The following NDUFAF2 variants were observed in gnomAD, a reference collection of about 807,000 sequenced individuals.
The protein encoded by NDUFAF2 is NADH:ubiquinone oxidoreductase complex assembly factor 2.
In NDUFAF2, 13 loss-of-function variants were observed where a neutral mutation model predicts 22.8. The ratio of observed to expected loss-of-function variants is 0.57; its 90% CI spans 0.37 to 0.91. The LOEUF (loss-of-function observed/expected upper bound fraction) is 0.91, where lower values mean the gene tolerates loss of function less well. NDUFAF2 is among the 40% of genes least tolerant of loss of function. The pLI, the probability that NDUFAF2 is intolerant of heterozygous loss-of-function variation, is 0.01. For missense variants in NDUFAF2, 162 were observed against 195.2 expected (o/e 0.83, Z 1.01); for synonymous variants, 53 against 64.2 (o/e 0.83, Z 0.84).
Position 61,073,224 on chromosome 5 carries a change from T to G in NDUFAF2, c.217+10T>G. 6.3e-7 allele frequency: 1 copy of G among 1,587,182 alleles called. No homozygotes were observed. Among genetic ancestry groups the G allele is most frequent in the Non-Finnish European group, 8.7e-7 (1 of 1,155,698 alleles). On this transcript the variant is annotated intron_variant, in intron 2 of 3. Transcript: ENST00000296597. ...CCAACAGAATGGGAAGGTAAGTTTC[T>G]GCTTTTAGTAGAATCTCATGGGAGG... is the stretch of plus-strand genomic sequence containing the variant.
chr5:61,095,503 CTCGATTCAG>C (rs1198310266), intron 2 of NDUFAF2, among the ~76,000 whole-genome samples: 1 of 152,192 alleles, frequency 6.6e-6, no homozygotes, highest in African/African-American at 2.4e-5. Flanking sequence ...GCTTAGCCCC[CTCGATTCAG>C]CCTTCTTCCT....
chr5:61,082,505 A>G (rs1752455663), intron 2 of NDUFAF2, among the ~76,000 whole-genome samples: 1 of 152,152 alleles, frequency 6.6e-6, no homozygotes, highest in African/African-American at 2.4e-5. Flanking sequence ...TTGGACTTCA[A>G]CTGAACCTGT....
At chr5:61,097,015 T>A (rs916794711) in intron 2 of NDUFAF2, among the ~76,000 whole-genome samples, 22 of 151,920 alleles carry the variant, frequency 1.4e-4, no homozygotes, top group Non-Finnish European at 2.6e-4. Flanking sequence ...GGGTAGAAAT[T>A]TAGAAACAGT....
chr5:61,039,685 A>G (rs995541361), intron 1 of NDUFAF2, among the ~76,000 whole-genome samples: 1 of 152,180 alleles, frequency 6.6e-6, no homozygotes, highest in Non-Finnish European at 1.5e-5. Context: ...GCCAGTCATT[A>G]GTTTTAATGA....
At position 60,967,481 on chromosome 5, in the gene NDUFAF2, A is replaced by T. The variant is rs569152704; in HGVS notation, c.127+22099A>T. Among the ~76,000 whole-genome samples the T allele has an allele frequency of 3.3e-5, 5 of 152,098 alleles. No homozygotes were observed. In the East Asian group the frequency reaches 9.7e-4, roughly 29 times the overall value. ...AGTATGTTAACTATATGTTTATCAT[A>T]TATGGCCTTTATTGCATTGAGATAT... On this transcript the variant is annotated intron_variant, in intron 1 of 3. Coordinates refer to ENST00000296597, the MANE Select transcript of NDUFAF2 (RefSeq NM_174889.5).
chr5:61,021,158 A>G (rs1230585609), intron 1 of NDUFAF2, among the ~76,000 whole-genome samples: 1 of 152,192 alleles, frequency 6.6e-6, no homozygotes, highest in Non-Finnish European at 1.5e-5. Flanking sequence ...GCTTAAAACA[A>G]CACAGATTTA....
chr5:61,019,837 G>A (rs1459809359), intron 1 of NDUFAF2, among the ~76,000 whole-genome samples: 1 of 151,972 alleles, frequency 6.6e-6, no homozygotes, highest in African/African-American at 2.4e-5. Flanking sequence ...CTTAAAAAGA[G>A]CTGAATCATT....
chr5:61,107,994 A>G (rs1218996270), intron 3 of NDUFAF2, among the ~76,000 whole-genome samples: 2 of 150,676 alleles, frequency 1.3e-5, no homozygotes, highest in Non-Finnish European at 2.9e-5. Context: ...AAGGACATGA[A>G]CTCATCATTT....
intron 3 of NDUFAF2, among the ~76,000 whole-genome samples, chr5:61,112,219 CT>C (rs56806779): frequency 0.33 from 43,964 of 131,382 alleles, 5,277 homozygotes; most frequent in East Asian, 0.68. Flanking sequence ...ATCCCCCCCC[CT>C]TTTTTTTTTT....
chr5:61,019,589 A>G (rs1467385137), intron 1 of NDUFAF2, among the ~76,000 whole-genome samples: 1 of 152,088 alleles, frequency 6.6e-6, no homozygotes, highest in African/African-American at 2.4e-5. Flanking sequence ...TTTTTTTTCC[A>G]GCAACAAGGC....
chr5:60,958,812 A>C (rs1335902766), intron 1 of NDUFAF2, among the ~76,000 whole-genome samples: 2 of 152,112 alleles, frequency 1.3e-5, no homozygotes, highest in Non-Finnish European at 2.9e-5. Context: ...TGGCCAAATT[A>C]TTCTTCAGGG....
At chr5:61,057,743 A>G (rs924512813) in intron 1 of NDUFAF2, among the ~76,000 whole-genome samples, 2 of 152,136 alleles carry the variant, frequency 1.3e-5, no homozygotes, top group East Asian at 3.8e-4. Flanking sequence ...GACTTTTACC[A>G]ACTAAACCCA....
At chr5:61,034,920 G>A (rs1195847670) in intron 1 of NDUFAF2, among the ~76,000 whole-genome samples, 19 of 151,468 alleles carry the variant, frequency 1.3e-4, no homozygotes, top group Admixed American at 9.2e-4. Context: ...ATATGTGTGT[G>A]TGTGTGTGTG....
chr5:61,088,339 C>T (rs531807162), intron 2 of NDUFAF2, among the ~76,000 whole-genome samples: 17 of 151,914 alleles, frequency 1.1e-4, no homozygotes, highest in Non-Finnish European at 2.4e-4. Context: ...TGGGTCCTAC[C>T]CTCATTCAAG....
chr5:60,956,442 G>A (rs765273964), intron 1 of NDUFAF2, among the ~76,000 whole-genome samples: 2 of 152,126 alleles, frequency 1.3e-5, no homozygotes, highest in Non-Finnish European at 2.9e-5. Context: ...TAGAGGAAAA[G>A]CTGTCTGTTT....
At chr5:61,133,067 CT>C (rs1753132748) in intron 3 of NDUFAF2, among the ~76,000 whole-genome samples, 1 of 152,150 alleles carries the variant, frequency 6.6e-6, no homozygotes, top group Non-Finnish European at 1.5e-5. Context: ...ATCCTTGCCT[CT>C]TTTGAGAAAC....
At chr5:61,095,526 G>A (rs970093994) in intron 2 of NDUFAF2, among the ~76,000 whole-genome samples, 1 of 152,130 alleles carries the variant, frequency 6.6e-6, no homozygotes, top group Admixed American at 6.5e-5. Context: ...TCTTCCTAGG[G>A]GTATGTACAG....
intron 2 of NDUFAF2, among the ~76,000 whole-genome samples, chr5:61,089,314 G>A (rs187950533): frequency 1.3e-5 from 2 of 152,238 alleles, no homozygotes; most frequent in East Asian, 3.9e-4. Flanking sequence ...ACATTATAAT[G>A]AGGACTGATA....
chr5:61,135,608 T>C (rs1009918398), intron 3 of NDUFAF2, among the ~76,000 whole-genome samples: 2 of 152,156 alleles, frequency 1.3e-5, no homozygotes, highest in Non-Finnish European at 2.9e-5. Context: ...TCCTCAGTTA[T>C]TGAATCACAA....
Sources: allele counts gnomAD v4.1 joint callset (sites outside exome capture counted in the v4.1 genomes callset), GRCh38; gene constraint gnomAD v4.1.1; transcripts MANE v1.5; gene names NCBI Gene and HGNC (gene_info 2026-07-23, HGNC 2026-07-21).